RBFOX1: variants seen among roughly 807,000 people sequenced by gnomAD.
RBFOX1 encodes RNA binding protein fox-1 homolog 1.
Under a neutral mutation model 57.7 loss-of-function variants are expected in RBFOX1, and 8 were observed. That is an observed-to-expected ratio of 0.14 (90% CI 0.08 to 0.25). The LOEUF (loss-of-function observed/expected upper bound fraction) is 0.25. Among genes scored for constraint, RBFOX1 ranks in the 10% least tolerant of loss-of-function variants. The pLI, the probability that RBFOX1 is intolerant of heterozygous loss-of-function variation, is 1.00. For synonymous variants in RBFOX1, 326 were observed against 222.4 expected, an observed-to-expected ratio of 1.47 and a Z score of -4.15; for missense variants, 611 against 548.5, an observed-to-expected ratio of 1.11 and a Z score of -1.14.
intron 1 of RBFOX1, among the ~76,000 whole-genome samples, chr16:6,112,680 A>G (rs2096459398): frequency 6.6e-6 from 1 of 152,178 alleles, no homozygotes; most frequent in African/African-American, 2.4e-5. Flanking sequence ...AACAAGAGCA[A>G]AACTCCGTCT....
chr16:6,972,298 C>A (rs911126677), intron 3 of RBFOX1, among the ~76,000 whole-genome samples: 4 of 152,018 alleles, frequency 2.6e-5, no homozygotes, highest in African/African-American at 9.7e-5. Flanking sequence ...CTTTTTGTCT[C>A]TATGATTGGG....
At chr16:6,890,606 G>T (rs541180431) in intron 3 of RBFOX1, among the ~76,000 whole-genome samples, 1 of 152,152 alleles carries the variant, frequency 6.6e-6, no homozygotes, top group Non-Finnish European at 1.5e-5. Flanking sequence ...CATTGCTTTG[G>T]TTATCGTTTA....
intron 3 of RBFOX1, among the ~76,000 whole-genome samples, chr16:6,770,809 G>A (rs1603618865): frequency 6.6e-6 from 1 of 152,156 alleles, no homozygotes; most frequent in African/African-American, 2.4e-5. Context: ...ATGACAGGGA[G>A]GAAATGAGCA....
At chr16:5,377,434 G>C (rs904194502) in intron 1 of RBFOX1, among the ~76,000 whole-genome samples, 4 of 151,296 alleles carry the variant, frequency 2.6e-5, no homozygotes, top group African/African-American at 9.8e-5. Flanking sequence ...TTTGAGCAGA[G>C]GGAACAGAAA....
intron 1 of RBFOX1, among the ~76,000 whole-genome samples, chr16:6,237,803 C>G (rs866638225): frequency 6.6e-6 from 1 of 151,716 alleles, no homozygotes; most frequent in African/African-American, 2.4e-5. Context: ...AAAGAAATAC[C>G]TGCCTTATGG....
intron 3 of RBFOX1, among the ~76,000 whole-genome samples, chr16:6,880,985 T>G (rs2062819132): frequency 6.6e-6 from 1 of 152,114 alleles, no homozygotes; most frequent in African/African-American, 2.4e-5. Flanking sequence ...GAATACACAG[T>G]GAGAGCCTAG....
At chr16:6,065,567 C>T (rs563071440) in intron 1 of RBFOX1, among the ~76,000 whole-genome samples, 2 of 152,300 alleles carry the variant, frequency 1.3e-5, no homozygotes, top group South Asian at 4.1e-4. Context: ...GCTCAGAAAT[C>T]ACTGGGGGTT....
At chr16:6,227,590 A>G (rs917917506) in intron 1 of RBFOX1, among the ~76,000 whole-genome samples, 1 of 150,662 alleles carries the variant, frequency 6.6e-6, no homozygotes, top group Non-Finnish European at 1.5e-5. Context: ...TTCTCCTTTC[A>G]GGCTTCCTCT....
intron 3 of RBFOX1, among the ~76,000 whole-genome samples, chr16:6,856,536 C>T (rs192797920): frequency 1.3e-5 from 2 of 152,134 alleles, no homozygotes; most frequent in African/African-American, 4.8e-5. Flanking sequence ...AAAATGCTCC[C>T]TCATGAATGT....
At chr16:7,084,460 A>G (rs2059680684) in intron 4 of RBFOX1, among the ~76,000 whole-genome samples, 1 of 152,206 alleles carries the variant, frequency 6.6e-6, no homozygotes, top group African/African-American at 2.4e-5. Context: ...GTAATGTCTT[A>G]CTTAGAGAGA....
intron 4 of RBFOX1, among the ~76,000 whole-genome samples, chr16:6,013,625 C>G (rs1383308438): frequency 4.6e-5 from 7 of 152,198 alleles, no homozygotes; most frequent in Non-Finnish European, 1.0e-4. Context: ...CACTAGCCAG[C>G]TCTGTGAGGT....
rs556661350 is a variant in RBFOX1 at position 6,513,055 on chromosome 16, A to G, written c.-63-141548A>G. 2.7e-4 allele frequency among the ~76,000 whole-genome samples: 41 copies of G among 152,324 alleles called. No homozygotes were observed. The Middle Eastern group carries it at 0.01, about 38-fold the overall frequency. The stretch of plus-strand genomic sequence containing the variant: ...AAAATACAAAATAGCACATCAATCA[A>G]TATGGCACAGTATTGAAGAATCCAA... On this transcript the variant is annotated intron_variant, in intron 2 of 15. Coordinates refer to ENST00000550418, the MANE Select transcript of RBFOX1 (RefSeq NM_018723.4).
intron 1 of RBFOX1, among the ~76,000 whole-genome samples, chr16:6,162,822 C>T (rs1163633585): frequency 6.6e-6 from 1 of 152,146 alleles, no homozygotes; most frequent in Non-Finnish European, 1.5e-5. Context: ...CAGCCTCCAC[C>T]TCCCAGGTTC....
Position 7,291,271 on chromosome 16 carries a change from A to G in RBFOX1, c.28-226876A>G, listed in dbSNP as rs1190630715. Reference sequence around the variant, plus strand: ...TTGATGCCCTTTGAACAGAAGACAGACATCCTTAGTTTTGGGTATTTAAAA... The same window carrying G: ...TTGATGCCCTTTGAACAGAAGACAGGCATCCTTAGTTTTGGGTATTTAAAA... On this transcript the variant is annotated intron_variant, in intron 4 of 15. Coordinates refer to ENST00000550418, the MANE Select transcript of RBFOX1 (RefSeq NM_018723.4). 2.6e-5 allele frequency among the ~76,000 whole-genome samples: 4 copies of G among 152,156 alleles called. No individual in the cohort carries two copies. In the East Asian group the frequency reaches 5.8e-4, roughly 22 times the overall value.
intron 4 of RBFOX1, among the ~76,000 whole-genome samples, chr16:7,125,852 G>A (rs757238398): frequency 7.2e-5 from 11 of 152,192 alleles, no homozygotes; most frequent in Non-Finnish European, 1.3e-4. Flanking sequence ...GGAGGCTGCG[G>A]TGGGTGGATT....
chr16:7,110,064 AAG>A (rs1196158774), intron 4 of RBFOX1, among the ~76,000 whole-genome samples: 1 of 151,958 alleles, frequency 6.6e-6, no homozygotes, highest in East Asian at 1.9e-4. Context: ...ACTAATCACT[AAG>A]AATCTCTGTG....
At chr16:7,028,584 TCA>T (rs59540999) in intron 3 of RBFOX1, among the ~76,000 whole-genome samples, 2,483 of 55,054 alleles carry the variant, frequency 0.045, 502 homozygotes, top group South Asian at 0.091. Context: ...TGAAACTCCC[TCA>T]CACACACACA....
chr16:6,556,609 A>G (rs993103469), intron 2 of RBFOX1, among the ~76,000 whole-genome samples: 4 of 152,198 alleles, frequency 2.6e-5, no homozygotes, highest in African/African-American at 4.8e-5. Flanking sequence ...TTAGATTAAT[A>G]TATAGCCTGA....
At chr16:5,907,741 TCA>T (rs745640534) in intron 4 of RBFOX1, among the ~76,000 whole-genome samples, 26 of 149,490 alleles carry the variant, frequency 1.7e-4, no homozygotes, top group Non-Finnish European at 2.8e-4. Context: ...ATCATCATCA[TCA>T]TCATCATCAT....
Sources: gnomAD v4.1 joint callset for allele counts (sites outside exome capture counted in the v4.1 genomes callset) on GRCh38, gnomAD v4.1.1 for gene constraint, MANE v1.5 for transcripts, NCBI Gene and HGNC (gene_info 2026-07-23, HGNC 2026-07-21) for gene names.